ACOT12: variants seen among roughly 807,000 people sequenced by gnomAD.
ACOT12 encodes the protein acyl-CoA thioesterase 12.
A neutral mutation model predicts 67.7 loss-of-function variants in ACOT12; 51 were observed. The ratio of observed to expected loss-of-function variants is 0.75; its 90% CI spans 0.60 to 0.95. The LOEUF (loss-of-function observed/expected upper bound fraction) is 0.95, where lower values mean the gene tolerates loss of function less well. Among genes scored for constraint, ACOT12 ranks in the 40% least tolerant of loss-of-function variants. The probability of loss-of-function intolerance (pLI) is 0.00; values close to 1 mark genes in which losing one functional copy is unlikely to be tolerated. For missense variants in ACOT12, 734 were observed against 708.1 expected, an observed-to-expected ratio of 1.04 and a Z score of -0.41; for synonymous variants, 251 against 244.6, an observed-to-expected ratio of 1.03 and a Z score of -0.24.
chr5:81,374,585 G>C (rs186972524), intron 2 of ACOT12, among the ~76,000 whole-genome samples: 251 of 152,144 alleles, frequency 1.6e-3, no homozygotes, highest in African/African-American at 5.8e-3. Context: ...AGGAAGCTAA[G>C]AACCTTGAAA....
rs1229544979 is a variant in ACOT12 at position 81,348,574 on chromosome 5, CTCTT to C, written c.497-648_497-645del. ...ATACTTCTTCATGTCCTTCTGCTCT[CTCTT>C]TTTTTTTAGACAGTCTCACTCTGTC... On this transcript the variant is annotated intron_variant, in intron 5 of 14. Transcript: ENST00000307624. Among the ~76,000 whole-genome samples, 11 of 152,128 alleles carry C rather than the reference CTCTT, an allele frequency of 7.2e-5. No homozygotes were observed. The South Asian group carries it at 2.1e-3, about 29-fold the overall frequency.
chr5:81,335,678 C>A, intron 12 of ACOT12, 90 bp downstream of exon 12: 1 of 1,421,750 alleles, frequency 7.0e-7, no homozygotes, highest in Non-Finnish European at 9.7e-7. Flanking sequence ...ATGGGTCACA[C>A]ATTGGACGAT....
intron 3 of ACOT12, among the ~76,000 whole-genome samples, chr5:81,368,760 G>T (rs1760156326): frequency 6.6e-6 from 1 of 151,488 alleles, no homozygotes. Context: ...AAAAAGAAAG[G>T]CAAATTAAAC....
intron 2 of ACOT12, among the ~76,000 whole-genome samples, chr5:81,376,478 ATAAC>A (rs199498482): frequency 0.037 from 5,611 of 151,482 alleles, 303 homozygotes; most frequent in African/African-American, 0.12. Context: ...AAGACAATAA[ATAAC>A]TAAGATCAGA....
chr5:81,315,495 G>C, the ACOT12 span, among the ~76,000 whole-genome samples: 3 of 152,176 alleles, frequency 2.0e-5, no homozygotes, highest in African/African-American at 7.2e-5. Flanking sequence ...CAGGAATTTT[G>C]ATTCTTGTTC....
intron 12 of ACOT12, 55 bp downstream of exon 12, chr5:81,335,713 C>T (rs1249131717): frequency 1.9e-5 from 29 of 1,558,424 alleles, no homozygotes; most frequent in Admixed American, 5.5e-5. Context: ...GTATGGAGAT[C>T]ATCTTTTACA....
At chr5:81,359,226 T>C (rs901698863) in intron 5 of ACOT12, among the ~76,000 whole-genome samples, 2 of 152,210 alleles carry the variant, frequency 1.3e-5, no homozygotes, top group Middle Eastern at 3.4e-3. Flanking sequence ...CCCTCCCTCA[T>C]TGTGCTCTCC....
intron 3 of ACOT12, among the ~76,000 whole-genome samples, chr5:81,369,457 A>G (rs1760180474): frequency 6.6e-6 from 1 of 152,228 alleles, no homozygotes; most frequent in Admixed American, 6.5e-5. Context: ...TTGAAAAAGT[A>G]AAAATAAAAA....
At chr5:81,317,047 T>A in the ACOT12 span, among the ~76,000 whole-genome samples, 13 of 152,356 alleles carry the variant, frequency 8.5e-5, no homozygotes, top group African/African-American at 3.1e-4. Context: ...ACAAAAATTT[T>A]AAATTTTGAT....
chr5:81,317,543 A>T, the ACOT12 span, among the ~76,000 whole-genome samples: 1 of 151,510 alleles, frequency 6.6e-6, no homozygotes. Flanking sequence ...TCACAGTTTC[A>T]CAGGCTATAC....
intron 2 of ACOT12, among the ~76,000 whole-genome samples, chr5:81,381,103 G>A (rs1760571109): frequency 6.7e-6 from 1 of 149,936 alleles, no homozygotes; most frequent in African/African-American, 2.5e-5. Flanking sequence ...TTTTGCTCTC[G>A]TTGCCCAGGC....
chr5:81,376,938 G>T (rs571996004), intron 2 of ACOT12, among the ~76,000 whole-genome samples: 1 of 152,270 alleles, frequency 6.6e-6, no homozygotes, highest in South Asian at 2.1e-4. Context: ...CATTCCTTCT[G>T]AAACAATTTC....
chr5:81,374,089 T>C (rs924776581), intron 2 of ACOT12, among the ~76,000 whole-genome samples: 2 of 152,158 alleles, frequency 1.3e-5, no homozygotes, highest in Non-Finnish European at 2.9e-5. Context: ...ACAGGATAGC[T>C]CTGGCTGGCA....
At chr5:81,359,538 T>C (rs559137067) in intron 5 of ACOT12, among the ~76,000 whole-genome samples, 2 of 152,328 alleles carry the variant, frequency 1.3e-5, no homozygotes, top group African/African-American at 4.8e-5. Context: ...GCAGCTCCTA[T>C]GAAACCGTGG....
chr5:81,328,473 C>A (rs1758728116), downstream of ACOT12, among the ~76,000 whole-genome samples: 2 of 152,094 alleles, frequency 1.3e-5, no homozygotes, highest in Admixed American at 6.6e-5. Flanking sequence ...AACTTAAGAG[C>A]TATTGTTAAC....
At chr5:81,380,434 C>T (rs1441648938) in intron 2 of ACOT12, among the ~76,000 whole-genome samples, 2 of 151,824 alleles carry the variant, frequency 1.3e-5, no homozygotes, top group Admixed American at 6.6e-5. Flanking sequence ...TGTGGTGGCA[C>T]GTGCCTGTAA....
chr5:81,332,692 T>G lies in ACOT12; in HGVS notation c.1263-87A>C. ...TTATTTGCTTACATAATCTCATTAT[T>G]TGTATCCATATTTGCCCCTTCAGCT... On this transcript the variant is annotated intron_variant, in intron 12 of 14. Transcript: ENST00000307624. 2.6e-6 allele frequency: 4 copies of G among 1,515,910 alleles called. No individual in the cohort carries two copies. In the South Asian group the frequency reaches 3.5e-5, roughly 13 times the overall value. 93.9% of individuals were successfully genotyped at this position (1,515,910 alleles called of 1,614,324 possible).
chr5:81,331,266 A>ATG (rs1758814635), intron 13 of ACOT12, among the ~76,000 whole-genome samples: 1 of 152,194 alleles, frequency 6.6e-6, no homozygotes, highest in Non-Finnish European at 1.5e-5. Flanking sequence ...GGCCGGGTGC[A>ATG]GTGGCTCACG....
rs558377967 is a variant in ACOT12, at chr5:81,382,977, T to C, written c.197+2780A>G. ...CCCTCTAGAGAAGTATTTTAGAAAA[T>C]AAATGAAGAAGAAATGATAGAATTA... On this transcript the variant is annotated intron_variant, in intron 2 of 14. Transcript: ENST00000307624. 3.1e-4 allele frequency among the ~76,000 whole-genome samples: 47 copies of C among 152,062 alleles called. 1 individual carries two copies. The highest frequency in any genetic ancestry group is 9.2e-4 in the Admixed American group (14 of 15,258).
Sources: gnomAD v4.1 joint callset for allele counts (sites outside exome capture counted in the v4.1 genomes callset) on GRCh38, gnomAD v4.1.1 for gene constraint, MANE v1.5 for transcripts, NCBI Gene and HGNC (gene_info 2026-07-23, HGNC 2026-07-21) for gene names.